Variants in ASTN2 observed in about 807,000 individuals in gnomAD.
ASTN2 encodes the protein astrotactin-2.
In ASTN2, 54 loss-of-function variants were observed where a neutral mutation model predicts 139.8. That is an observed-to-expected ratio of 0.39 (90% CI 0.31 to 0.48). The LOEUF (loss-of-function observed/expected upper bound fraction) is 0.48. ASTN2 is among the 20% of genes least tolerant of loss of function. ASTN2 has a pLI of 0.95. For synonymous variants in ASTN2, 756 were observed against 719.5 expected, an observed-to-expected ratio of 1.05 and a Z score of -0.81; for missense variants, 1,565 against 1,725.1, an observed-to-expected ratio of 0.91 and a Z score of 1.64.
intron 10 of ASTN2, among the ~76,000 whole-genome samples, chr9:116,867,221 A>G (rs535070784): frequency 6.6e-6 from 1 of 152,112 alleles, no homozygotes; most frequent in Non-Finnish European, 1.5e-5. Context: ...TGAAAAGAGG[A>G]GGCATACTCA....
chr9:117,270,460 G>A (rs1834037427), intron 2 of ASTN2, among the ~76,000 whole-genome samples: 1 of 152,128 alleles, frequency 6.6e-6, no homozygotes, highest in Non-Finnish European at 1.5e-5. Flanking sequence ...GTGACAATGA[G>A]GGTCACAGAG....
Position 116,620,436 on chromosome 9 carries a change from T to C in ASTN2, c.3080A>G (p.Lys1027Arg). 1.9e-6 allele frequency: 3 copies of C among 1,614,134 alleles called. No individual in the cohort carries two copies. Among genetic ancestry groups the C allele is most frequent in the Non-Finnish European group, 2.5e-6 (3 of 1,180,008 alleles). The change falls in exon 18 of 23, where the codon AAG becomes AGG. Residue 1027 changes from lysine (K) to arginine (R), a missense_variant. This residue lies in a region of ASTN2 where 418 missense variants were observed against 465.8 expected (regional missense o/e 0.90). Transcript: ENST00000313400. ...IQDNGTKEAF[K>R]SALMSSYWCS... ...CCAGTAGGAACTCATCAGTGCACTCTTGAAGGCCTGGACAAAAAAAGAGGA... is the reference window on the plus strand; with the variant it reads ...CCAGTAGGAACTCATCAGTGCACTCCTGAAGGCCTGGACAAAAAAAGAGGA...
intron 7 of ASTN2, among the ~76,000 whole-genome samples, chr9:116,978,345 T>C (rs928773496): frequency 6.6e-6 from 1 of 152,218 alleles, no homozygotes; most frequent in Non-Finnish European, 1.5e-5. Flanking sequence ...GTGAGTTGAA[T>C]GAATAATTAA....
intron 16 of ASTN2, among the ~76,000 whole-genome samples, chr9:116,719,140 G>C (rs1425181598): frequency 6.6e-6 from 1 of 151,480 alleles, no homozygotes; most frequent in Non-Finnish European, 1.5e-5. Context: ...AGAGAACAAA[G>C]CTGGAATCCA....
intron 6 of ASTN2, among the ~76,000 whole-genome samples, chr9:117,016,537 C>A (rs1374882905): frequency 6.9e-6 from 1 of 144,520 alleles, no homozygotes; most frequent in Non-Finnish European, 1.5e-5. Context: ...CTGCATATCC[C>A]AGAAAAAAGA....
At chr9:116,487,780 A>G (rs541878993) in intron 19 of ASTN2, among the ~76,000 whole-genome samples, 1 of 152,150 alleles carries the variant, frequency 6.6e-6, no homozygotes, top group African/African-American at 2.4e-5. Context: ...GTGTAATAAA[A>G]ATTTATGAAA....
At chr9:116,596,273 C>T (rs1854572768) in intron 19 of ASTN2, among the ~76,000 whole-genome samples, 1 of 152,276 alleles carries the variant, frequency 6.6e-6, no homozygotes, top group East Asian at 1.9e-4. Flanking sequence ...TTTCCAGGTG[C>T]TGGGAATGCG....
chr9:116,612,408 C>T (rs565107162), intron 19 of ASTN2: 2 of 152,310 alleles, frequency 1.3e-5, no homozygotes, highest in Admixed American at 6.5e-5. Flanking sequence ...CCCCAATCAA[C>T]AGAATATACA....
At chr9:117,076,410 G>A (rs189364806) in intron 5 of ASTN2, among the ~76,000 whole-genome samples, 2 of 151,960 alleles carry the variant, frequency 1.3e-5, no homozygotes, top group African/African-American at 4.8e-5. Flanking sequence ...GAGAAAAAGA[G>A]GGGGGGATAG....
At chr9:117,328,467 T>C (rs552840067) in intron 1 of ASTN2, among the ~76,000 whole-genome samples, 1 of 152,314 alleles carries the variant, frequency 6.6e-6, no homozygotes, top group Admixed American at 6.5e-5. Context: ...TGCCATGACC[T>C]GCCCCCTGAA....
At chr9:117,345,514 G>A (rs1048797127) in intron 1 of ASTN2, among the ~76,000 whole-genome samples, 3 of 152,200 alleles carry the variant, frequency 2.0e-5, no homozygotes, top group Admixed American at 6.5e-5. Flanking sequence ...GGCTCAAAGA[G>A]ATGACGATCT....
intron 10 of ASTN2, among the ~76,000 whole-genome samples, chr9:116,907,082 T>C (rs1186766258): frequency 1.3e-5 from 2 of 152,188 alleles, no homozygotes; most frequent in African/African-American, 4.8e-5. Context: ...GCTAGGACTA[T>C]GATTCCCTTT....
At chr9:116,926,803 T>C (rs1045342852) in intron 10 of ASTN2, among the ~76,000 whole-genome samples, 4 of 152,156 alleles carry the variant, frequency 2.6e-5, no homozygotes, top group Admixed American at 6.5e-5. Flanking sequence ...TTTGAACTCA[T>C]GTGTAGCTGA....
intron 16 of ASTN2, chr9:116,687,127 A>T: frequency 9.0e-7 from 1 of 1,107,284 alleles, no homozygotes; most frequent in South Asian, 2.7e-5. Context: ...TGCACCAAGG[A>T]GACGGAAAAC....
At chr9:116,729,581 GCTGCTTTCACACTATGACAGC>G (rs942316423) in intron 14 of ASTN2, among the ~76,000 whole-genome samples, 1 of 152,204 alleles carries the variant, frequency 6.6e-6, no homozygotes, top group African/African-American at 2.4e-5. Flanking sequence ...ATTTTCTGTA[GCTGCTTTCACACTATGACAGC>G]AGAGTTGAGC....
intron 7 of ASTN2, among the ~76,000 whole-genome samples, chr9:117,006,258 A>G (rs1276590867): frequency 6.6e-6 from 1 of 152,096 alleles, no homozygotes; most frequent in Non-Finnish European, 1.5e-5. Flanking sequence ...CCCATTCTCC[A>G]TTGATGTTTA....
chr9:117,082,497 A>G (rs79251382), intron 5 of ASTN2, among the ~76,000 whole-genome samples: 19,181 of 152,196 alleles, frequency 0.13, 1,318 homozygotes, highest in East Asian at 0.21. Flanking sequence ...TCTTCTGTAG[A>G]AAGTGTGATC....
At chr9:117,300,666 C>G (rs1834854175) in intron 1 of ASTN2, among the ~76,000 whole-genome samples, 1 of 152,148 alleles carries the variant, frequency 6.6e-6, no homozygotes, top group Admixed American at 6.5e-5. Context: ...ATCCTGATGT[C>G]AGGCCAGGTT....
At chr9:116,819,585 A>T (rs1040397515) in intron 12 of ASTN2, among the ~76,000 whole-genome samples, 2 of 152,168 alleles carry the variant, frequency 1.3e-5, no homozygotes, top group Non-Finnish European at 2.9e-5. Context: ...ACCCATGCCC[A>T]CACTCACCCC....
Sources: allele counts gnomAD v4.1 joint callset (sites outside exome capture counted in the v4.1 genomes callset), GRCh38; gene constraint gnomAD v4.1.1; regional missense constraint gnomAD v4.1.1; transcripts MANE v1.5; gene names NCBI Gene and HGNC (gene_info 2026-07-23, HGNC 2026-07-21).